Variants in HTRA3 observed in about 807,000 individuals in gnomAD.
HTRA3 encodes serine protease HTRA3.
HTRA3 carries 41 observed loss-of-function variants against 43.2 expected under a neutral mutation model. The observed-to-expected ratio is 0.95, with a 90% CI of 0.74 to 1.23. The LOEUF (loss-of-function observed/expected upper bound fraction) is 1.23. Among genes scored for constraint, HTRA3 ranks in the 50% most tolerant of loss-of-function variants. The pLI, the probability that HTRA3 is intolerant of heterozygous loss-of-function variation, is 0.00. For missense variants in HTRA3, 628 were observed against 647.1 expected (o/e 0.97, Z 0.32); for synonymous variants, 295 against 287.9 (o/e 1.02, Z -0.25).
At chr4:8,275,937 TG>T (rs1712506687) in intron 1 of HTRA3, among the ~76,000 whole-genome samples, 1 of 152,232 alleles carries the variant, frequency 6.6e-6, no homozygotes, top group Non-Finnish European at 1.5e-5. Flanking sequence ...TCGAAGTGTC[TG>T]CCTTGTTTGG....
rs537624207 is a variant in HTRA3 at position 8,295,638 on chromosome 4, C to T, written c.1051+1437C>T. On this transcript the variant is annotated intron_variant, in intron 6 of 8. Transcript: ENST00000307358. This position sits in a 1 kb window ranked among gnomAD's most constrained non-coding sequence, Gnocchi z 6.9. ...TCTCCTGTGCCCACCTCCTGGCCAACGCCCAGGCCTGACTCAGCAACTCAC... is the reference window on the plus strand; with the variant it reads ...TCTCCTGTGCCCACCTCCTGGCCAATGCCCAGGCCTGACTCAGCAACTCAC... 2.2e-5 allele frequency: 29 copies of T among 1,299,980 alleles called. No individual in the cohort carries two copies. The East Asian group carries it at 3.6e-4, about 16-fold the overall frequency. The allele number at this position is 1,299,980 out of a possible 1,614,324, so 80.5% of individuals were successfully genotyped here.
At chr4:8,271,795 C>T (rs768486824) in intron 1 of HTRA3, among the ~76,000 whole-genome samples, 4 of 152,176 alleles carry the variant, frequency 2.6e-5, no homozygotes, top group African/African-American at 4.8e-5. Flanking sequence ...AAGGAGGAAC[C>T]CTTGTGACCT....
At position 8,296,802 on chromosome 4, in the gene HTRA3, C is replaced by G. The variant is rs111843676; in HGVS notation, c.1051+2601C>G. Among the ~76,000 whole-genome samples, 1 of 152,146 alleles carries G rather than the reference C, an allele frequency of 6.6e-6. No homozygotes were observed. The highest frequency in any genetic ancestry group is 1.9e-4 in the East Asian group (1 of 5,168). On this transcript the variant is annotated intron_variant, in intron 6 of 8. Transcript: ENST00000307358. The surrounding 1 kb of genome is among the most constrained non-coding windows in gnomAD (Gnocchi z 5.3). The stretch of plus-strand genomic sequence containing the variant: ...CCTCTGGCCTGGGGGGTAAACCCCT[C>G]GTTTATCCTGTGGCCCACAAGCCAA...
rs1314436155 is a variant in HTRA3, at chr4:8,279,820, C to T, written c.386-2617C>T. Among the ~76,000 whole-genome samples the T allele has an allele frequency of 1.3e-5, 2 of 152,172 alleles. No individual in the cohort carries two copies. Among genetic ancestry groups the T allele is most frequent in the Non-Finnish European group, 2.9e-5 (2 of 68,030 alleles). On this transcript the variant is annotated intron_variant, in intron 1 of 8. Transcript: ENST00000307358. The surrounding 1 kb of genome is among the most constrained non-coding windows in gnomAD (Gnocchi z 7.4). ...GGGTCAGGGCACCTCTGCACTCACC[C>T]ACCCCACGCCGGGCTCCTCTCTGCC...
At position 8,295,604 on chromosome 4, in the gene HTRA3, G is replaced by A; in HGVS notation, c.1051+1403G>A. ...CAGCCCTAGTGAGCTTCTCCCTCCT[G>A]CCATTGTGTCTCCTGTGCCCACCTC... On this transcript the variant is annotated intron_variant, in intron 6 of 8. Transcript: ENST00000307358. This position sits in a 1 kb window ranked among gnomAD's most constrained non-coding sequence, Gnocchi z 6.9. 1 of 942,504 alleles carries A rather than the reference G, an allele frequency of 1.1e-6. No individual in the cohort carries two copies. The highest frequency in any genetic ancestry group is 1.4e-6 in the Non-Finnish European group (1 of 700,134). 58.4% of individuals were successfully genotyped at this position (942,504 alleles called of 1,614,324 possible).
chr4:8,300,747 TGATTCACACTCATCTTTATTATG>T (rs1231752544), intron 6 of HTRA3, among the ~76,000 whole-genome samples: 14 of 150,438 alleles, frequency 9.3e-5, no homozygotes, highest in East Asian at 2.2e-4. Context: ...CACTCTTCAT[TGATTCACACTCATCTTTATTATG>T]GATTCACACT....
At position 8,306,147 on chromosome 4, in the gene HTRA3, C is replaced by T. The variant is rs769268293; in HGVS notation, c.*11C>T. 6.4e-7 allele frequency: 1 copy of T among 1,557,794 alleles called. No homozygotes were observed. The highest frequency in any genetic ancestry group is 1.4e-5 in the African/African-American group (1 of 73,772). On this transcript the variant is annotated 3_prime_UTR_variant, in exon 9 of 9. Coordinates refer to ENST00000307358, the MANE Select transcript of HTRA3 (RefSeq NM_053044.5). The surrounding 1 kb of genome is among the most constrained non-coding windows in gnomAD (Gnocchi z 8.9). ...GAGGTGGTCATGTGAGGGGCGCATT[C>T]CTCCAGCGCCAAGCGTCAGAGCCTG...
chr4:8,302,555 A>ATCTCTCACCCTGACCC (rs1338663020), intron 7 of HTRA3, 44 bp downstream of exon 7: 1 of 1,591,066 alleles, frequency 6.3e-7, no homozygotes, highest in Non-Finnish European at 8.6e-7. Context: ...CCTTCCTCTC[A>ATCTCTCACCCTGACCC]TCCCTCACCC....
At position 8,282,463 on chromosome 4, in the gene HTRA3, T is replaced by TA. The variant is rs757389285; in HGVS notation, c.413dup (p.Tyr138Ter). 15 of 1,614,008 alleles carry TA rather than the reference T, an allele frequency of 9.3e-6. No homozygotes were observed. In the South Asian group the frequency reaches 1.6e-4, roughly 18 times the overall value. ...LGLHQLSSPRYKFNFIADVVE... is the reference protein window; with the variant it reads ...LGLHQLSSPR ...TCTCCACCAGCTGAGCAGCCCGCGC[T>TA]ACAAGTTCAACTTCATTGCTGACGT... Residue 138 changes from tyrosine to a stop codon, truncating the protein, a stop_gained and frameshift_variant, in exon 2 of 9, where the codon TAC becomes TAAC. Transcript: ENST00000307358. LOFTEE classifies it high-confidence loss of function.
At chr4:8,301,268 C>T (rs938914245) in intron 6 of HTRA3, among the ~76,000 whole-genome samples, 2 of 143,672 alleles carry the variant, frequency 1.4e-5, no homozygotes, top group Admixed American at 6.9e-5. Flanking sequence ...TTGATTCACA[C>T]TCATCTTTAT....
rs1043568896 is a variant in HTRA3, at chr4:8,306,669, G to C, written c.*533G>C. On this transcript the variant is annotated 3_prime_UTR_variant, in exon 9 of 9. Coordinates refer to ENST00000307358, the MANE Select transcript of HTRA3 (RefSeq NM_053044.5). This position sits in a 1 kb window ranked among gnomAD's most constrained non-coding sequence, Gnocchi z 8.9. ...GTCACATCTGATCCCTTTGGGGTGC[G>C]GGGGTGGGGTCCAGCCCAGAGCAGG... The C allele has an allele frequency of 6.5e-6, 1 of 153,542 alleles. No individual in the cohort carries two copies. The highest frequency in any genetic ancestry group is 2.4e-5 in the African/African-American group (1 of 41,216). 9.5% of individuals were successfully genotyped at this position (153,542 alleles called of 1,614,324 possible).
intron 3 of HTRA3, among the ~76,000 whole-genome samples, chr4:8,289,446 C>T (rs898583097): frequency 1.3e-5 from 2 of 152,236 alleles, no homozygotes; most frequent in South Asian, 2.1e-4. Flanking sequence ...TTGCAACCCC[C>T]GCTCGAGGAC....
rs572909758 is a variant in HTRA3 at position 8,279,790 on chromosome 4, G to A, written c.386-2647G>A. 6.6e-6 allele frequency among the ~76,000 whole-genome samples: 1 copy of A among 152,254 alleles called. No homozygotes were observed. The highest frequency in any genetic ancestry group is 2.1e-4 in the South Asian group (1 of 4,816). On this transcript the variant is annotated intron_variant, in intron 1 of 8. Transcript: ENST00000307358. This position sits in a 1 kb window ranked among gnomAD's most constrained non-coding sequence, Gnocchi z 7.4. ...GTGCCCCTGCCCGTGGGCTCTTCCAGGCCTGGGTCAGGGCACCTCTGCACT... is the reference window on the plus strand; with the variant it reads ...GTGCCCCTGCCCGTGGGCTCTTCCAAGCCTGGGTCAGGGCACCTCTGCACT...
rs1050414782 is a variant in HTRA3, at chr4:8,297,112, G to A, written c.1051+2911G>A. On this transcript the variant is annotated intron_variant, in intron 6 of 8. Coordinates refer to ENST00000307358, the MANE Select transcript of HTRA3 (RefSeq NM_053044.5). This position sits in a 1 kb window ranked among gnomAD's most constrained non-coding sequence, Gnocchi z 5.8. ...GAAGCCATAAGGTCCCTTGGTCTCA[G>A]GCCCCTGTGCTGGGTAGAGTCCTGA... is the stretch of plus-strand genomic sequence containing the variant. 2.6e-5 allele frequency among the ~76,000 whole-genome samples: 4 copies of A among 152,090 alleles called. No homozygotes were observed. Among genetic ancestry groups the A allele is most frequent in the Admixed American group, 2.6e-4 (4 of 15,278 alleles).
chr4:8,298,563 C>T (rs183588448), intron 6 of HTRA3, among the ~76,000 whole-genome samples: 28 of 151,626 alleles, frequency 1.8e-4, no homozygotes, highest in African/African-American at 2.7e-4. Context: ...GTATCTAAGA[C>T]GTCTTTGCTA....
intron 6 of HTRA3, among the ~76,000 whole-genome samples, chr4:8,298,452 C>T (rs1713531240): frequency 6.6e-6 from 1 of 151,882 alleles, no homozygotes; most frequent in African/African-American, 2.4e-5. Flanking sequence ...CAGTCTGTGG[C>T]TTGTCTTTTT....
rs917440316 is a variant in HTRA3, at chr4:8,279,843, G to A, written c.386-2594G>A. Among the ~76,000 whole-genome samples the A allele has an allele frequency of 6.6e-6, 1 of 152,186 alleles. No homozygotes were observed. Among genetic ancestry groups the A allele is most frequent in the African/African-American group, 2.4e-5 (1 of 41,430 alleles). On this transcript the variant is annotated intron_variant, in intron 1 of 8. Transcript: ENST00000307358. The surrounding 1 kb of genome is among the most constrained non-coding windows in gnomAD (Gnocchi z 7.4). ...CCCACCCCACGCCGGGCTCCTCTCT[G>A]CCTCATCCCTGGTGATGCTGTGCTG...
chr4:8,275,965 T>C (rs1712507762), intron 1 of HTRA3, among the ~76,000 whole-genome samples: 1 of 152,200 alleles, frequency 6.6e-6, no homozygotes, highest in South Asian at 2.1e-4. Flanking sequence ...TGAGGGTGTT[T>C]GTGGACTAAT....
At chr4:8,276,274 T>C (rs561213155) in intron 1 of HTRA3, among the ~76,000 whole-genome samples, 5 of 152,362 alleles carry the variant, frequency 3.3e-5, no homozygotes, top group African/African-American at 1.2e-4. Context: ...TTTCTTCATC[T>C]GTGAAATGGA....
Sources: gnomAD v4.1 joint callset for allele counts (sites outside exome capture counted in the v4.1 genomes callset) on GRCh38, gnomAD v4.1.1 for gene constraint, Gnocchi (gnomAD v3.1) non-coding constraint, MANE v1.5 for transcripts, NCBI Gene and HGNC (gene_info 2026-07-23, HGNC 2026-07-21) for gene names.